Variants in LEO1 observed in about 807,000 individuals in gnomAD.
The protein encoded by LEO1 is RNA polymerase-associated protein LEO1.
Under a neutral mutation model 80.4 loss-of-function variants are expected in LEO1, and 34 were observed. That is an observed-to-expected ratio of 0.42 (90% CI 0.32 to 0.56). The LOEUF (loss-of-function observed/expected upper bound fraction) is 0.56. Ranked by LOEUF, LEO1 falls within the 20% of genes least tolerant of loss-of-function variation. LEO1 has a pLI of 0.10. For synonymous variants in LEO1, 262 were observed against 274.9 expected (o/e 0.95, Z 0.46); for missense variants, 631 against 814.2 (o/e 0.77, Z 2.74).
In LEO1 at chr15:51,953,268, A is replaced by G. The variant is rs1229042407; in HGVS notation, c.1341-5T>C. The stretch of plus-strand genomic sequence containing the variant: ...TTGCCTAAATGCAGGGACATGCTGG[A>G]AAGAGAAACATTTCATCTATTAAAG... On this transcript the variant is annotated splice_polypyrimidine_tract_variant and splice_region_variant and intron_variant, in intron 7 of 11. Transcript: ENST00000299601. 1 of 1,611,902 alleles carries G rather than the reference A, an allele frequency of 6.2e-7. No individual in the cohort carries two copies. Among genetic ancestry groups the G allele is most frequent in the South Asian group, 1.1e-5 (1 of 90,476 alleles).
chr15:51,955,740 C>G (rs900152679), intron 6 of LEO1, among the ~76,000 whole-genome samples: 2 of 152,198 alleles, frequency 1.3e-5, no homozygotes, highest in Non-Finnish European at 2.9e-5. Context: ...CCACGGAGAT[C>G]GTCTGGATCT....
intron 10 of LEO1, 129 bp from the exon 11 acceptor site, chr15:51,947,518 T>C (rs1251806352): frequency 1.6e-6 from 1 of 632,800 alleles, no homozygotes; most frequent in Non-Finnish European, 2.8e-6. Context: ...TGGGCTTAGG[T>C]GATCCTCCTG....
intron 6 of LEO1, among the ~76,000 whole-genome samples, chr15:51,957,374 A>G (rs1390728434): frequency 3.9e-4 from 59 of 152,304 alleles, no homozygotes; most frequent in Non-Finnish European, 1.5e-4. Context: ...GCTAAGCCTA[A>G]ATCAATACAT....
chr15:51,939,159 T>C (rs2056826450), intron 11 of LEO1, among the ~76,000 whole-genome samples: 1 of 152,156 alleles, frequency 6.6e-6, no homozygotes, highest in Non-Finnish European at 1.5e-5. Context: ...TACTCCGGCC[T>C]GGGCAACAGA....
intron 8 of LEO1, chr15:51,952,225 G>C (rs995829513): frequency 8.5e-6 from 3 of 354,066 alleles, no homozygotes; most frequent in Non-Finnish European, 1.0e-5. Context: ...TGTATGGCAT[G>C]ATCACCTTCT....
At chr15:51,962,668 CA>C (rs1418121747) in intron 2 of LEO1, among the ~76,000 whole-genome samples, 175 bp from the exon 3 acceptor site, 2 of 152,048 alleles carry the variant, frequency 1.3e-5, no homozygotes, top group African/African-American at 4.8e-5. Context: ...TGCTATATGC[CA>C]AGTTAAAGAG....
At position 51,966,305 on chromosome 15, in the gene LEO1, A is replaced by G. The variant is rs769601678; in HGVS notation, c.258T>C (p.Asn86=). Residue 86 remains asparagine (N), a synonymous_variant, in exon 2 of 12, where the codon AAT becomes AAC. Coordinates refer to ENST00000299601, the MANE Select transcript of LEO1 (RefSeq NM_138792.4). ...GSDNHSERSD[N]RSEASERSDH... is the part of the protein sequence containing the mutation. The stretch of plus-strand genomic sequence containing the variant: ...CAGAACGCTCAGAAGCTTCTGATCT[A>G]TTGTCTGATCTTTCAGAGTGATTAT... 7.4e-6 allele frequency: 12 copies of G among 1,614,080 alleles called. No homozygotes were observed. Among genetic ancestry groups the G allele is most frequent in the Non-Finnish European group, 1.0e-5 (12 of 1,180,016 alleles).
At chr15:51,963,273 CAAAT>C (rs977772547) in intron 2 of LEO1, among the ~76,000 whole-genome samples, 1 of 151,360 alleles carries the variant, frequency 6.6e-6, no homozygotes, top group Non-Finnish European at 1.5e-5. Context: ...GAGACTGTCT[CAAAT>C]AAATAAATAT....
intron 2 of LEO1, among the ~76,000 whole-genome samples, chr15:51,962,934 C>T (rs940563811): frequency 6.7e-6 from 1 of 150,266 alleles, no homozygotes; most frequent in East Asian, 2.0e-4. Context: ...TGCCCCCCCC[C>T]CAAAAAATTA....
At chr15:51,961,091 C>T (rs1446167241) in intron 3 of LEO1, among the ~76,000 whole-genome samples, 5 of 152,076 alleles carry the variant, frequency 3.3e-5, no homozygotes, top group Non-Finnish European at 7.4e-5. Context: ...ATCCCAGATT[C>T]AAAATTACAG....
chr15:51,940,733 C>T (rs1286557274), intron 11 of LEO1, among the ~76,000 whole-genome samples: 1 of 149,300 alleles, frequency 6.7e-6, no homozygotes, highest in African/African-American at 2.5e-5. Context: ...CCAACCTGGG[C>T]AACATGGTAA....
intron 8 of LEO1, chr15:51,952,250 G>C (rs1463961484): frequency 3.8e-6 from 1 of 260,030 alleles, no homozygotes; most frequent in African/African-American, 2.2e-5. Context: ...GCAATAAATG[G>C]ATACGCTCAA....
intron 11 of LEO1, among the ~76,000 whole-genome samples, chr15:51,941,107 G>A (rs980899541): frequency 1.6e-5 from 2 of 126,660 alleles, no homozygotes; most frequent in Non-Finnish European, 3.6e-5. Context: ...AAATAAATAA[G>A]CAAGCCAGCC....
At chr15:51,968,528 C>CA (rs879539323) in intron 1 of LEO1, among the ~76,000 whole-genome samples, 125 of 140,562 alleles carry the variant, frequency 8.9e-4, no homozygotes, top group African/African-American at 1.8e-3. Context: ...ACTCTGTCTC[C>CA]AAAAAAAAAA....
chr15:51,960,594 CTT>C (rs1566885924), intron 4 of LEO1, 43 bp downstream of exon 4: 2 of 1,092,734 alleles, frequency 1.8e-6, no homozygotes, highest in South Asian at 1.3e-5. Flanking sequence ...ACCTTTGAAA[CTT>C]TATGCCTGGC....
intron 10 of LEO1, 67 bp downstream of exon 10, chr15:51,949,741 A>T: frequency 7.6e-7 from 1 of 1,321,922 alleles, no homozygotes; most frequent in Non-Finnish European, 1.1e-6. Flanking sequence ...CAGCCGGATT[A>T]CATCTAATGC....
intron 2 of LEO1, 134 bp downstream of exon 2, chr15:51,965,615 A>T: frequency 8.4e-7 from 1 of 1,189,848 alleles, no homozygotes; most frequent in Non-Finnish European, 1.2e-6. Flanking sequence ...TGTATTCTAG[A>T]GTTAGAAAAG....
At chr15:51,946,339 AGGCATGC>A in intron 11 of LEO1, among the ~76,000 whole-genome samples, 1 of 152,112 alleles carries the variant, frequency 6.6e-6, no homozygotes, top group East Asian at 2.0e-4. Context: ...CTAGGATTAC[AGGCATGC>A]GCCACCACGC....
intron 6 of LEO1, chr15:51,954,828 T>C (rs1566883822): frequency 2.4e-6 from 1 of 423,244 alleles, no homozygotes; most frequent in Non-Finnish European, 4.3e-6. Flanking sequence ...GCTTAGAGCA[T>C]TTGAGCAGAT....
Sources: allele counts gnomAD v4.1 joint callset (sites outside exome capture counted in the v4.1 genomes callset), GRCh38; gene constraint gnomAD v4.1.1; transcripts MANE v1.5; gene names NCBI Gene and HGNC (gene_info 2026-07-23, HGNC 2026-07-21).